The following TNR variants were observed in gnomAD, a reference collection of about 807,000 sequenced individuals.
TNR encodes the protein tenascin R.
In TNR, 45 loss-of-function variants were observed where a neutral mutation model predicts 150.4. That is an observed-to-expected ratio of 0.30 (90% CI 0.24 to 0.38). The LOEUF is 0.38. Among genes scored for constraint, TNR ranks in the 10% least tolerant of loss-of-function variants. The pLI is 1.00. For missense variants in TNR, 1,544 were observed against 1,759.1 expected, an observed-to-expected ratio of 0.88 and a Z score of 2.19; for synonymous variants, 687 against 678.4, an observed-to-expected ratio of 1.01 and a Z score of -0.20.
At chr1:175,654,969 A>G (rs1239165497) in intron 1 of TNR, among the ~76,000 whole-genome samples, 2 of 151,938 alleles carry the variant, frequency 1.3e-5, no homozygotes, top group African/African-American at 2.4e-5. Flanking sequence ...TGATCCGCCC[A>G]CCTCAGCCTC....
At chr1:175,558,157 G>T (rs1321769149) in intron 1 of TNR, among the ~76,000 whole-genome samples, 2 of 133,878 alleles carry the variant, frequency 1.5e-5, no homozygotes, top group East Asian at 2.3e-4. Flanking sequence ...AGCATTGGGA[G>T]ATATACCTAA....
intron 21 of TNR, among the ~76,000 whole-genome samples, chr1:175,327,435 T>G (rs1649464273): frequency 6.6e-6 from 1 of 152,204 alleles, no homozygotes; most frequent in African/African-American, 2.4e-5. Flanking sequence ...CATCAGCCGC[T>G]CTATGTTCTT....
At chr1:175,392,956 C>G (rs1288362778) in intron 6 of TNR, among the ~76,000 whole-genome samples, 1 of 152,092 alleles carries the variant, frequency 6.6e-6, no homozygotes, top group Non-Finnish European at 1.5e-5. Context: ...GTCTTGTTAG[C>G]CAAAAATGTG....
At chr1:175,686,684 C>T (rs1666211312) in intron 1 of TNR, among the ~76,000 whole-genome samples, 1 of 152,140 alleles carries the variant, frequency 6.6e-6, no homozygotes, top group South Asian at 2.1e-4. Context: ...CTGTTTCCAT[C>T]TTTATGTCCA....
intron 2 of TNR, among the ~76,000 whole-genome samples, chr1:175,414,776 T>A (rs191609144): frequency 1.9e-4 from 29 of 152,288 alleles, no homozygotes; most frequent in African/African-American, 6.5e-4. Flanking sequence ...CCACATGACC[T>A]CCTCTGACTT....
chr1:175,561,824 G>A (rs1661439654), intron 1 of TNR, among the ~76,000 whole-genome samples: 1 of 152,132 alleles, frequency 6.6e-6, no homozygotes, highest in African/African-American at 2.4e-5. Flanking sequence ...TAATGTTGTA[G>A]TACACAGTCC....
At position 175,403,135 on chromosome 1, in the gene TNR, C is replaced by T; in HGVS notation, c.976+5G>A. 6.2e-7 allele frequency: 1 copy of T among 1,603,786 alleles called. No homozygotes were observed. The highest frequency in any genetic ancestry group is 8.5e-7 in the Non-Finnish European group (1 of 1,172,096). The stretch of plus-strand genomic sequence containing the variant: ...CCAAACACCCCAGAGAGTTCCCCTG[C>T]CTACCTGCTGAGCAGTCAGGGCCCT... On this transcript the variant is annotated splice_donor_5th_base_variant and intron_variant, in intron 4 of 22. Coordinates refer to ENST00000367674, the MANE Select transcript of TNR (RefSeq NM_003285.3).
chr1:175,698,845 A>T (rs1281392626), intron 1 of TNR, among the ~76,000 whole-genome samples: 2 of 151,836 alleles, frequency 1.3e-5, no homozygotes, highest in Non-Finnish European at 2.9e-5. Context: ...TGGTGCTGGC[A>T]GTGACGGGAG....
intron 2 of TNR, among the ~76,000 whole-genome samples, chr1:175,475,387 C>T (rs1247106351): frequency 1.3e-5 from 2 of 152,168 alleles, no homozygotes; most frequent in Non-Finnish European, 2.9e-5. Context: ...TATGCCCTTT[C>T]ATGAGATGAC....
rs115982269 is a variant in TNR, at chr1:175,463,536, A to G, written c.-63-56759T>C. ...GTGCCTCTTGATTCCAGAGTAATTT[A>G]CACAGCTCCACTTATCATATCCTTA... is the stretch of plus-strand genomic sequence containing the variant. On this transcript the variant is annotated intron_variant, in intron 2 of 22. Coordinates refer to ENST00000367674, the MANE Select transcript of TNR (RefSeq NM_003285.3). 4.1e-3 allele frequency among the ~76,000 whole-genome samples: 628 copies of G among 152,368 alleles called. 3 individuals are homozygous for G. The highest frequency in any genetic ancestry group is 0.014 in the African/African-American group (585 of 41,590).
chr1:175,479,881 T>A (rs1267752921), intron 2 of TNR, among the ~76,000 whole-genome samples: 1 of 152,102 alleles, frequency 6.6e-6, no homozygotes, highest in African/African-American at 2.4e-5. Context: ...GGAAAATGCA[T>A]AACCATCCAC....
intron 18 of TNR, among the ~76,000 whole-genome samples, chr1:175,345,864 C>A (rs1216805818): frequency 6.6e-6 from 1 of 152,022 alleles, no homozygotes; most frequent in Non-Finnish European, 1.5e-5. Flanking sequence ...CATAAATGAA[C>A]TTCAAGACAT....
intron 1 of TNR, among the ~76,000 whole-genome samples, chr1:175,709,098 A>C (rs1005518627): frequency 6.6e-6 from 1 of 152,082 alleles, no homozygotes; most frequent in Non-Finnish European, 1.5e-5. Context: ...CTGCCTACAC[A>C]GATGGATCTT....
chr1:175,355,670 C>T lies in TNR; in HGVS notation c.3119-37G>A, dbSNP rs373979188. The T allele has an allele frequency of 3.5e-5, 57 of 1,610,604 alleles. No homozygotes were observed. In the African/African-American group the frequency reaches 6.0e-4, roughly 17 times the overall value. ...AGAAAGTGCCAGGGCATGCCTGCCT[C>T]TCCAGCTCCTCCCCCTGCTTGATTT... On this transcript the variant is annotated intron_variant, in intron 16 of 22. Coordinates refer to ENST00000367674, the MANE Select transcript of TNR (RefSeq NM_003285.3).
intron 1 of TNR, among the ~76,000 whole-genome samples, chr1:175,565,374 A>C (rs954177849): frequency 6.6e-6 from 1 of 152,228 alleles, no homozygotes; most frequent in Non-Finnish European, 1.5e-5. Context: ...GGATGAAAAC[A>C]ATAGGTTGAC....
At chr1:175,720,260 C>G (rs559812918) in intron 1 of TNR, among the ~76,000 whole-genome samples, 2 of 151,542 alleles carry the variant, frequency 1.3e-5, no homozygotes, top group East Asian at 3.9e-4. Context: ...CTCTTGTGCT[C>G]TCTCTCTCTC....
chr1:175,689,182 C>T (rs1486043808), intron 1 of TNR, among the ~76,000 whole-genome samples: 1 of 152,208 alleles, frequency 6.6e-6, no homozygotes, highest in African/African-American at 2.4e-5. Context: ...GGAATCTTCT[C>T]CTGGCTTCTG....
intron 1 of TNR, among the ~76,000 whole-genome samples, chr1:175,613,647 T>G (rs1663671400): frequency 2.0e-5 from 3 of 152,100 alleles, no homozygotes; most frequent in African/African-American, 7.2e-5. Flanking sequence ...ATTATTACCA[T>G]CTACTGAACA....
Position 175,498,118 on chromosome 1 carries a change from AAAAC to A in TNR, c.-64+30147_-64+30150del, listed in dbSNP as rs545642269. Among the ~76,000 whole-genome samples the A allele has an allele frequency of 1.6e-4, 23 of 148,318 alleles. 1 individual carries two copies. In the East Asian group the frequency reaches 2.9e-3, roughly 19 times the overall value. ...AAAACAAAACAAAAAACAAACAAAG[AAAAC>A]AAACAAACAAACACAAATCCTGCTT... On this transcript the variant is annotated intron_variant, in intron 2 of 22. Transcript: ENST00000367674.
Sources: allele counts gnomAD v4.1 joint callset (sites outside exome capture counted in the v4.1 genomes callset), GRCh38; gene constraint gnomAD v4.1.1; transcripts MANE v1.5; gene names NCBI Gene and HGNC (gene_info 2026-07-23, HGNC 2026-07-21).